The following SLC28A1 variants were observed in gnomAD, a reference collection of about 807,000 sequenced individuals.
SLC28A1 encodes sodium/nucleoside cotransporter 1.
Under a neutral mutation model 74.8 loss-of-function variants are expected in SLC28A1, and 64 were observed. That is an observed-to-expected ratio of 0.86 (90% CI 0.70 to 1.05). SLC28A1 has a LOEUF of 1.05. Among genes scored for constraint, SLC28A1 ranks in the 50% least tolerant of loss-of-function variants. The probability of loss-of-function intolerance (pLI) is 0.00; values close to 1 mark genes in which losing one functional copy is unlikely to be tolerated. For synonymous variants in SLC28A1, 359 were observed against 335.0 expected, an observed-to-expected ratio of 1.07 and a Z score of -0.78; for missense variants, 828 against 822.8, an observed-to-expected ratio of 1.01 and a Z score of -0.08.
rs1358475259 is a variant in SLC28A1 at position 84,943,655 on chromosome 15, G to A, written c.1663+129G>A. On this transcript the variant is annotated intron_variant, in intron 16 of 18. Transcript: ENST00000394573. ...AACAAGATGGCCATAGAGGCCAGGT[G>A]TGGTGGCTCATGCCTGTAATCCCAG... 6.6e-6 allele frequency: 5 copies of A among 754,526 alleles called. No individual in the cohort carries two copies. In the East Asian group the frequency reaches 1.3e-4, roughly 20 times the overall value. The allele number at this position is 754,526 out of a possible 1,614,324, so 46.7% of individuals were successfully genotyped here.
intron 9 of SLC28A1, among the ~76,000 whole-genome samples, chr15:84,917,429 A>G (rs996568250): frequency 2.0e-5 from 3 of 152,078 alleles, no homozygotes; most frequent in African/African-American, 7.2e-5. Context: ...GATCACACAC[A>G]ACGCCCCTCA....
chr15:84,947,998 A>G (rs200526438), downstream of SLC28A1, among the ~76,000 whole-genome samples: 3 of 106,540 alleles, frequency 2.8e-5, no homozygotes, highest in East Asian at 7.4e-4. Context: ...TGGCATGGGG[A>G]AAAAAAAACT....
At chr15:84,887,532 G>A (rs1964732294) in intron 2 of SLC28A1, 2 of 985,188 alleles carry the variant, frequency 2.0e-6, no homozygotes, top group Non-Finnish European at 1.2e-6. Flanking sequence ...AAAAGGAAGA[G>A]GTACCTCCTC....
At chr15:84,887,474 A>G (rs1954199644) in intron 2 of SLC28A1, 4 of 978,394 alleles carry the variant, frequency 4.1e-6, no homozygotes, top group Non-Finnish European at 4.9e-6. Context: ...GCTTGAGCCC[A>G]GGAGTTGGAG....
chr15:84,974,345 G>C, the SLC28A1 span, among the ~76,000 whole-genome samples: 1 of 152,168 alleles, frequency 6.6e-6, no homozygotes, highest in Non-Finnish European at 1.5e-5. Flanking sequence ...TTTCATGGGA[G>C]CTCTTGCACA....
intron 3 of SLC28A1, 98 bp from the exon 4 acceptor site, chr15:84,888,674 C>T: frequency 1.3e-6 from 1 of 799,930 alleles, no homozygotes; most frequent in South Asian, 1.5e-5. Flanking sequence ...CCAGTCCCCT[C>T]CTCAGCCAGG....
chr15:84,922,762 A>G (rs1034639958), intron 11 of SLC28A1, among the ~76,000 whole-genome samples: 3 of 152,186 alleles, frequency 2.0e-5, no homozygotes, highest in Non-Finnish European at 4.4e-5. Flanking sequence ...TCTGCAGCAG[A>G]CATGCTGACT....
In SLC28A1 at chr15:84,886,225, G is replaced by A. The variant is rs533572735; in HGVS notation, c.-132-447G>A. ...TGAAACACTTTTACTATTTCTCACA[G>A]CTACACTGCTTTCCTCATTTTCCAG... On this transcript the variant is annotated intron_variant, in intron 1 of 18. Coordinates refer to ENST00000394573, the MANE Select transcript of SLC28A1 (RefSeq NM_004213.5). 3 of 985,374 alleles carry A rather than the reference G, an allele frequency of 3.0e-6. No homozygotes were observed. In the East Asian group the frequency reaches 3.4e-4, roughly 112 times the overall value. The allele number at this position is 985,374 out of a possible 1,614,324, so 61.0% of individuals were successfully genotyped here.
intron 12 of SLC28A1, among the ~76,000 whole-genome samples, chr15:84,924,886 AT>A (rs1186257822): frequency 6.7e-6 from 1 of 149,496 alleles, no homozygotes; most frequent in African/African-American, 2.5e-5. Flanking sequence ...AACTGATTTT[AT>A]TTTTTATTAA....
chr15:84,972,976 C>T, the SLC28A1 span, among the ~76,000 whole-genome samples: 1 of 152,194 alleles, frequency 6.6e-6, no homozygotes, highest in Non-Finnish European at 1.5e-5. Flanking sequence ...ACCTCCTTCA[C>T]ACTTAGAGCC....
At chr15:84,949,406 A>C (rs1353834762), downstream of SLC28A1, among the ~76,000 whole-genome samples, 1 of 152,038 alleles carries the variant, frequency 6.6e-6, no homozygotes, top group Non-Finnish European at 1.5e-5. Flanking sequence ...GTTTTGTTTG[A>C]GATGGGGCCT....
chr15:84,955,337 T>C, the SLC28A1 span, among the ~76,000 whole-genome samples: 1 of 152,094 alleles, frequency 6.6e-6, no homozygotes, highest in Non-Finnish European at 1.5e-5. Flanking sequence ...GTTTATTCCA[T>C]AGCAACAGAT....
At chr15:84,936,423 A>G (rs145334311) in intron 15 of SLC28A1, among the ~76,000 whole-genome samples, 5 of 151,748 alleles carry the variant, frequency 3.3e-5, no homozygotes, top group African/African-American at 1.2e-4. Flanking sequence ...ACGCTCAGCT[A>G]ATTTTTGGAT....
chr15:84,962,128 G>A, the SLC28A1 span, among the ~76,000 whole-genome samples: 1 of 151,350 alleles, frequency 6.6e-6, no homozygotes, highest in Non-Finnish European at 1.5e-5. Context: ...AGGCTGGAGT[G>A]CAATGGTGTG....
chr15:84,893,163 T>C (rs1965554082), intron 5 of SLC28A1, among the ~76,000 whole-genome samples: 1 of 152,088 alleles, frequency 6.6e-6, no homozygotes, highest in Admixed American at 6.5e-5. Context: ...CCTCCCTGTG[T>C]GAGGCACTCA....
intron 9 of SLC28A1, among the ~76,000 whole-genome samples, chr15:84,916,495 G>T (rs1053999951): frequency 1.3e-5 from 2 of 151,984 alleles, no homozygotes; most frequent in African/African-American, 4.8e-5. Flanking sequence ...CAATCCTCCT[G>T]CCTCGGCCTC....
the SLC28A1 span, among the ~76,000 whole-genome samples, chr15:84,974,254 C>T: frequency 1.0e-3 from 153 of 152,268 alleles, 1 homozygote; most frequent in African/African-American, 3.5e-3. Context: ...TGAGGTAGAT[C>T]GTATTTCGTT....
intron 10 of SLC28A1, among the ~76,000 whole-genome samples, chr15:84,920,261 C>A (rs1969642264): frequency 6.6e-6 from 1 of 152,200 alleles, no homozygotes; most frequent in Non-Finnish European, 1.5e-5. Flanking sequence ...GTCTGGCCAA[C>A]ATAGTGAAAC....
downstream of SLC28A1, among the ~76,000 whole-genome samples, chr15:84,949,074 A>G (rs548663736): frequency 2.0e-5 from 3 of 152,290 alleles, no homozygotes; most frequent in South Asian, 2.1e-4. Context: ...CCACATGACA[A>G]TCCATCAAGT....
Sources: gnomAD v4.1 joint callset for allele counts (sites outside exome capture counted in the v4.1 genomes callset) on GRCh38, gnomAD v4.1.1 for gene constraint, MANE v1.5 for transcripts, NCBI Gene and HGNC (gene_info 2026-07-23, HGNC 2026-07-21) for gene names.